The following CNTNAP5 variants were observed in gnomAD, a reference collection of about 807,000 sequenced individuals.
CNTNAP5 encodes contactin associated protein family member 5, also known as contactin-associated protein-like 5.
In CNTNAP5, 72 loss-of-function variants were observed where a neutral mutation model predicts 150.2. The observed-to-expected ratio is 0.48, with a 90% CI of 0.40 to 0.58. The LOEUF (loss-of-function observed/expected upper bound fraction) is 0.58, where lower values mean the gene tolerates loss of function less well. CNTNAP5 is among the 20% of genes least tolerant of loss of function. The pLI, the probability that CNTNAP5 is intolerant of heterozygous loss-of-function variation, is 0.00. For synonymous variants in CNTNAP5, 672 were observed against 619.8 expected (o/e 1.08, Z -1.25); for missense variants, 1,636 against 1,626.2 (o/e 1.01, Z -0.10).
At chr2:124,038,120 A>G (rs1681274729) in intron 1 of CNTNAP5, among the ~76,000 whole-genome samples, 3 of 152,278 alleles carry the variant, frequency 2.0e-5, no homozygotes, top group East Asian at 1.9e-4. Context: ...ACCCAATTCC[A>G]TTATTTTTCA....
chr2:124,713,277 CTT>C (rs773377897), intron 13 of CNTNAP5, among the ~76,000 whole-genome samples: 7 of 106,282 alleles, frequency 6.6e-5, no homozygotes, highest in African/African-American at 1.3e-4. Flanking sequence ...TTCTTTCTTT[CTT>C]TCTTTCTTTC....
At chr2:124,853,172 C>T (rs1439646960) in intron 19 of CNTNAP5, among the ~76,000 whole-genome samples, 1 of 152,146 alleles carries the variant, frequency 6.6e-6, no homozygotes, top group Non-Finnish European at 1.5e-5. Flanking sequence ...AGTGGTGGTC[C>T]AGAGTCTGGA....
chr2:124,541,311 C>T (rs1219826794), intron 10 of CNTNAP5, among the ~76,000 whole-genome samples: 6 of 150,462 alleles, frequency 4.0e-5, no homozygotes, highest in Non-Finnish European at 7.4e-5. Context: ...TTCTTACTCT[C>T]CTCCCACCAC....
intron 7 of CNTNAP5, among the ~76,000 whole-genome samples, chr2:124,480,152 C>T (rs2104839007): frequency 6.6e-6 from 1 of 152,220 alleles, no homozygotes; most frequent in Non-Finnish European, 1.5e-5. Flanking sequence ...CTGTTTACTC[C>T]CAAACTATGA....
intron 13 of CNTNAP5, among the ~76,000 whole-genome samples, chr2:124,669,966 A>G (rs11684957): frequency 0.53 from 80,489 of 151,886 alleles, 22,228 homozygotes; most frequent in African/African-American, 0.63. Flanking sequence ...CACAATATCT[A>G]TGTGTTTCCT....
At chr2:124,345,976 T>C (rs1689727979) in intron 3 of CNTNAP5, among the ~76,000 whole-genome samples, 1 of 152,232 alleles carries the variant, frequency 6.6e-6, no homozygotes, top group East Asian at 1.9e-4. Flanking sequence ...CATGTGAATC[T>C]AATGCTGTTT....
At chr2:124,790,259 A>G in intron 18 of CNTNAP5, 118 bp downstream of exon 18, 6 of 1,122,452 alleles carry the variant, frequency 5.3e-6, no homozygotes, top group Middle Eastern at 2.9e-4. Flanking sequence ...CCCGCTGTTT[A>G]GAGAGTCTGC....
intron 19 of CNTNAP5, among the ~76,000 whole-genome samples, chr2:124,828,954 G>T (rs747624945): frequency 2.0e-4 from 30 of 151,800 alleles, no homozygotes; most frequent in Admixed American, 6.6e-4. Context: ...CATCAAAATT[G>T]CTCACAAGTG....
chr2:124,707,818 G>C (rs1437670084), intron 13 of CNTNAP5, among the ~76,000 whole-genome samples: 1 of 152,154 alleles, frequency 6.6e-6, no homozygotes, highest in African/African-American at 2.4e-5. Flanking sequence ...TCAGCCTCAA[G>C]TATCGTAAAT....
At chr2:124,867,702 G>A (rs1024390902) in intron 20 of CNTNAP5, among the ~76,000 whole-genome samples, 1 of 151,296 alleles carries the variant, frequency 6.6e-6, no homozygotes, top group Non-Finnish European at 1.5e-5. Context: ...TTCTGCTTTT[G>A]ATCTACACTC....
At chr2:124,194,742 A>G (rs1311284700) in intron 1 of CNTNAP5, among the ~76,000 whole-genome samples, 2 of 151,106 alleles carry the variant, frequency 1.3e-5, no homozygotes, top group South Asian at 2.1e-4. Flanking sequence ...TATTATAGGT[A>G]ACATTACACA....
intron 18 of CNTNAP5, among the ~76,000 whole-genome samples, chr2:124,791,332 A>C (rs935209833): frequency 2.0e-5 from 3 of 152,326 alleles, no homozygotes; most frequent in African/African-American, 7.2e-5. Context: ...GGAGAAAATT[A>C]ATGGTAAAAA....
intron 6 of CNTNAP5, among the ~76,000 whole-genome samples, chr2:124,450,726 G>T (rs913354650): frequency 6.6e-5 from 10 of 151,854 alleles, no homozygotes; most frequent in Non-Finnish European, 7.4e-5. Flanking sequence ...TAGAAAAAAA[G>T]ATATTTTTAG....
intron 6 of CNTNAP5, among the ~76,000 whole-genome samples, chr2:124,462,323 C>T (rs1024368517): frequency 6.6e-6 from 1 of 152,138 alleles, no homozygotes; most frequent in Non-Finnish European, 1.5e-5. Flanking sequence ...TACTTGGTGC[C>T]ATTTTCCTTC....
intron 10 of CNTNAP5, among the ~76,000 whole-genome samples, chr2:124,537,734 C>A (rs1339900253): frequency 6.6e-6 from 1 of 152,178 alleles, no homozygotes; most frequent in African/African-American, 2.4e-5. Context: ...AAGGGGGAAC[C>A]TGGATTTGAT....
rs540449233 is a variant in CNTNAP5 at position 124,492,709 on chromosome 2, T to G, written c.1063-11583T>G. The stretch of plus-strand genomic sequence containing the variant: ...AATATTTATTCTTATTACTCGAACA[T>G]GGGATATCTTTCCATTTTTGATGCT... On this transcript the variant is annotated intron_variant, in intron 7 of 23. Coordinates refer to ENST00000682447, the MANE Select transcript of CNTNAP5 (RefSeq NM_001367498.1). 3.9e-4 allele frequency among the ~76,000 whole-genome samples: 60 copies of G among 152,246 alleles called. No individual in the cohort carries two copies. The Middle Eastern group carries it at 0.014, about 35-fold the overall frequency.
At chr2:124,338,723 G>A (rs913563917) in intron 3 of CNTNAP5, among the ~76,000 whole-genome samples, 3 of 151,900 alleles carry the variant, frequency 2.0e-5, no homozygotes, top group African/African-American at 4.8e-5. Flanking sequence ...TGGAGGTTGC[G>A]GAAAAAACAA....
chr2:124,609,507 A>G (rs1677328469), intron 11 of CNTNAP5, among the ~76,000 whole-genome samples: 1 of 152,074 alleles, frequency 6.6e-6, no homozygotes, highest in African/African-American at 2.4e-5. Context: ...GTGGGAGATC[A>G]CTTGAGCCTG....
At chr2:124,617,268 A>G (rs926408720) in intron 12 of CNTNAP5, among the ~76,000 whole-genome samples, 4 of 152,102 alleles carry the variant, frequency 2.6e-5, no homozygotes, top group African/African-American at 9.7e-5. Context: ...AAAACAAGCT[A>G]TGCTTGAACC....
Sources: allele counts gnomAD v4.1 joint callset (sites outside exome capture counted in the v4.1 genomes callset), GRCh38; gene constraint gnomAD v4.1.1; transcripts MANE v1.5; gene names NCBI Gene and HGNC (gene_info 2026-07-23, HGNC 2026-07-21).